Variants in SLC71A1 observed in about 807,000 individuals in gnomAD.
SLC71A1 encodes solute carrier family 71 member 1, also known as hippocampus abundant gene transcript 1.
the SLC71A1 span, among the ~76,000 whole-genome samples, chr1:100,053,939 T>C: frequency 6.6e-6 from 1 of 152,174 alleles, no homozygotes; most frequent in African/African-American, 2.4e-5. Flanking sequence ...TCAGTGATTA[T>C]TGCTTGATTA....
the SLC71A1 span, chr1:100,077,426 GTATATT>G: frequency 1.8e-6 from 1 of 567,896 alleles, no homozygotes; most frequent in South Asian, 2.6e-5. Flanking sequence ...TCTGCCACTT[GTATATT>G]TATATGTTCT....
the SLC71A1 span, among the ~76,000 whole-genome samples, chr1:100,054,742 A>T: frequency 6.6e-6 from 1 of 152,188 alleles, no homozygotes; most frequent in African/African-American, 2.4e-5. Flanking sequence ...GATCCATAAA[A>T]TTTTTTGGAA....
chr1:100,053,161 A>G, the SLC71A1 span, among the ~76,000 whole-genome samples: 63 of 152,336 alleles, frequency 4.1e-4, no homozygotes, highest in Admixed American at 1.3e-3. Context: ...TATTAATTCA[A>G]TATGGGCTTT....
chr1:100,044,123 C>T, the SLC71A1 span, among the ~76,000 whole-genome samples: 6 of 152,270 alleles, frequency 3.9e-5, no homozygotes, highest in South Asian at 2.1e-4. Flanking sequence ...TTTAAGGAAT[C>T]GCCATACTGT....
chr1:100,063,649 A>T, the SLC71A1 span, among the ~76,000 whole-genome samples: 2 of 152,172 alleles, frequency 1.3e-5, no homozygotes, highest in Admixed American at 1.3e-4. Context: ...TTTAAAAATT[A>T]GCCAGGTGTG....
At chr1:100,041,981 G>A in the SLC71A1 span, among the ~76,000 whole-genome samples, 3 of 151,672 alleles carry the variant, frequency 2.0e-5, no homozygotes, top group Non-Finnish European at 4.4e-5. Flanking sequence ...ATTCAGTGTA[G>A]GTATTTAAGA....
chr1:100,071,507 T>A, the SLC71A1 span, among the ~76,000 whole-genome samples: 3 of 152,194 alleles, frequency 2.0e-5, no homozygotes, highest in Non-Finnish European at 4.4e-5. Flanking sequence ...AGTTAGTATG[T>A]GTAGAACTTG....
the SLC71A1 span, chr1:100,059,817 T>G: frequency 7.0e-7 from 1 of 1,425,522 alleles, no homozygotes; most frequent in Non-Finnish European, 9.3e-7. Flanking sequence ...AGTAAAATGA[T>G]TTATTTTTGG....
the SLC71A1 span, among the ~76,000 whole-genome samples, chr1:100,050,692 T>C: frequency 6.6e-6 from 1 of 152,188 alleles, no homozygotes; most frequent in South Asian, 2.1e-4. Flanking sequence ...AAAAGTTATT[T>C]AATAGAAAAA....
the SLC71A1 span, chr1:100,038,351 G>GC: frequency 6.5e-7 from 1 of 1,540,622 alleles, no homozygotes; most frequent in Non-Finnish European, 8.8e-7. Flanking sequence ...GCGTCCCTCG[G>GC]GGCCCCCATC....
the SLC71A1 span, among the ~76,000 whole-genome samples, chr1:100,072,430 ATC>A: frequency 6.6e-6 from 1 of 152,072 alleles, no homozygotes; most frequent in East Asian, 1.9e-4. Flanking sequence ...TAGAGATTTT[ATC>A]TCTGTTTATT....
At chr1:100,060,712 A>C in the SLC71A1 span, among the ~76,000 whole-genome samples, 4 of 151,794 alleles carry the variant, frequency 2.6e-5, no homozygotes, top group Non-Finnish European at 4.4e-5. Context: ...TCCTAGTTAC[A>C]AGAGTCTGGA....
the SLC71A1 span, among the ~76,000 whole-genome samples, chr1:100,070,297 A>G: frequency 3.3e-5 from 5 of 152,224 alleles, no homozygotes; most frequent in African/African-American, 1.2e-4. Flanking sequence ...AGAGAATTTT[A>G]AACAGTACAA....
the SLC71A1 span, among the ~76,000 whole-genome samples, chr1:100,053,769 G>T: frequency 2.6e-5 from 4 of 152,128 alleles, no homozygotes; most frequent in African/African-American, 9.7e-5. Flanking sequence ...GCTGTGTTTT[G>T]TGGAAGATCT....
chr1:100,081,426 C>T, the SLC71A1 span, among the ~76,000 whole-genome samples: 1 of 152,214 alleles, frequency 6.6e-6, no homozygotes, highest in Non-Finnish European at 1.5e-5. Flanking sequence ...GGCTGGAATG[C>T]AGTGGCACAA....
At chr1:100,062,072 A>C in the SLC71A1 span, 1 of 624,270 alleles carries the variant, frequency 1.6e-6, no homozygotes, top group Admixed American at 3.5e-5. Flanking sequence ...ATATTTTGTA[A>C]TAAAATCATT....
chr1:100,045,438 C>G, the SLC71A1 span, among the ~76,000 whole-genome samples: 1 of 152,162 alleles, frequency 6.6e-6, no homozygotes, highest in Non-Finnish European at 1.5e-5. Flanking sequence ...ATATCATTGG[C>G]AAACAGTGGC....
At chr1:100,064,236 G>A in the SLC71A1 span, among the ~76,000 whole-genome samples, 1 of 152,040 alleles carries the variant, frequency 6.6e-6, no homozygotes, top group Non-Finnish European at 1.5e-5. Flanking sequence ...CCGCCTCCTG[G>A]GTTCAAACGA....
At chr1:100,047,390 A>T in the SLC71A1 span, among the ~76,000 whole-genome samples, 1 of 152,210 alleles carries the variant, frequency 6.6e-6, no homozygotes, top group Non-Finnish European at 1.5e-5. Context: ...TCATACCTGG[A>T]TGAATCCCAC....
Sources: allele counts gnomAD v4.1 joint callset (sites outside exome capture counted in the v4.1 genomes callset), GRCh38; gene constraint gnomAD v4.1.1; transcripts MANE v1.5; gene names NCBI Gene and HGNC (gene_info 2026-07-23, HGNC 2026-07-21).